The following FRYL variants were observed in gnomAD, a reference collection of about 807,000 sequenced individuals.
FRYL encodes the protein protein furry homolog-like.
In FRYL, 150 loss-of-function variants were observed where a neutral mutation model predicts 351.2. The observed-to-expected ratio is 0.43, with a 90% confidence interval of 0.37 to 0.49. The LOEUF (loss-of-function observed/expected upper bound fraction) is 0.49. FRYL is among the 20% of genes least tolerant of loss of function. The probability of loss-of-function intolerance (pLI) is 0.00; values close to 1 mark genes in which losing one functional copy is unlikely to be tolerated. For synonymous variants in FRYL, 1,153 were observed against 1,257.1 expected (o/e 0.92, Z 1.75); for missense variants, 3,036 against 3,619.3 (o/e 0.84, Z 4.13).
Position 48,498,760 on chromosome 4 carries a change from G to A in FRYL, c.*662C>T, listed in dbSNP as rs1718924371. The A allele has an allele frequency of 6.6e-6, 1 of 152,506 alleles. No individual in the cohort carries two copies. The highest frequency in any genetic ancestry group is 2.1e-4 in the South Asian group (1 of 4,816). 9.4% of individuals were successfully genotyped at this position (152,506 alleles called of 1,614,324 possible). On this transcript the variant is annotated 3_prime_UTR_variant, in exon 64 of 64. Coordinates refer to ENST00000358350, the MANE Select transcript of FRYL (RefSeq NM_015030.2). ...TGCAGTGCTCTTTTAGGCATGCTCT[G>A]AGACGTTATCACCAAACATCCATAC...
At chr4:48,651,628 G>A (rs911771916) in intron 3 of FRYL, among the ~76,000 whole-genome samples, 2 of 152,120 alleles carry the variant, frequency 1.3e-5, no homozygotes, top group African/African-American at 2.4e-5. Flanking sequence ...AAAGGAACAC[G>A]TTTTATACTT....
At chr4:48,642,650 T>C (rs1260585997) in intron 3 of FRYL, among the ~76,000 whole-genome samples, 1 of 152,148 alleles carries the variant, frequency 6.6e-6, no homozygotes, top group African/African-American at 2.4e-5. Flanking sequence ...CAATGTTTTT[T>C]ACTTGAAGTC....
chr4:48,742,647 C>T (rs1393764297), intron 1 of FRYL, among the ~76,000 whole-genome samples: 1 of 152,168 alleles, frequency 6.6e-6, no homozygotes, highest in Non-Finnish European at 1.5e-5. Flanking sequence ...CCAATTCAGG[C>T]ATTATTCATG....
chr4:48,581,824 C>T (rs1487085325), intron 20 of FRYL, among the ~76,000 whole-genome samples: 1 of 152,140 alleles, frequency 6.6e-6, no homozygotes, highest in African/African-American at 2.4e-5. Context: ...TAACTTCTAC[C>T]ATTCTCTGAC....
chr4:48,551,482 A>T lies in FRYL; in HGVS notation c.4520+12T>A. 1 of 1,522,294 alleles carries T rather than the reference A, an allele frequency of 6.6e-7. No homozygotes were observed. Among genetic ancestry groups the T allele is most frequent in the Non-Finnish European group, 9.1e-7 (1 of 1,099,840 alleles). 94.3% of individuals were successfully genotyped at this position (1,522,294 alleles called of 1,614,324 possible). On this transcript the variant is annotated intron_variant, in intron 37 of 63. Coordinates refer to ENST00000358350, the MANE Select transcript of FRYL (RefSeq NM_015030.2). ...AAACTGAAAGGCTAATACAGAACAG[A>T]GAAGTACTTACCTCTCTTCAATATT...
At chr4:48,696,845 G>GACCT (rs1553981641) in intron 2 of FRYL, among the ~76,000 whole-genome samples, 8 of 144,542 alleles carry the variant, frequency 5.5e-5, no homozygotes, top group African/African-American at 2.0e-4. Flanking sequence ...AACGATAAGA[G>GACCT]ATCTATCTAT....
intron 1 of FRYL, among the ~76,000 whole-genome samples, chr4:48,716,514 C>G (rs1417453310): frequency 6.6e-6 from 1 of 151,626 alleles, no homozygotes; most frequent in Non-Finnish European, 1.5e-5. Flanking sequence ...AGCCAAAAAA[C>G]ACACGAAAAA....
Position 48,510,514 on chromosome 4 carries a change from G to A in FRYL, c.8295+321C>T, listed in dbSNP as rs539181208. On this transcript the variant is annotated intron_variant, in intron 58 of 63. Coordinates refer to ENST00000358350, the MANE Select transcript of FRYL (RefSeq NM_015030.2). ...AATCAGGAAATGAACCAGGAGGCCT[G>A]GGTATTTCACGGGTGGAGGTTTAGG... 2.2e-3 allele frequency among the ~76,000 whole-genome samples: 341 copies of A among 152,198 alleles called. 12 individuals carry two copies. In the South Asian group the frequency reaches 0.051, roughly 23 times the overall value.
At chr4:48,713,880 T>A (rs138382093) in intron 1 of FRYL, among the ~76,000 whole-genome samples, 1,533 of 152,322 alleles carry the variant, frequency 0.01, 10 homozygotes, top group South Asian at 0.017. Context: ...AGTAAAGCTC[T>A]TCTCAGCAAA....
Position 48,576,228 on chromosome 4 carries a change from G to GAAA in FRYL, c.2529-9_2529-7dup. ...TCTTAGCATTGATGGGGCTACTAAGGAAAAAAAAAGAAAAATAGGCAGATA... is the reference window on the plus strand; with the variant it reads ...TCTTAGCATTGATGGGGCTACTAAGGAAAAAAAAAAAAGAAAAATAGGCAGATA... On this transcript the variant is annotated splice_polypyrimidine_tract_variant and splice_region_variant and intron_variant, in intron 23 of 63. Coordinates refer to ENST00000358350, the MANE Select transcript of FRYL (RefSeq NM_015030.2). 6.7e-7 allele frequency: 1 copy of GAAA among 1,496,302 alleles called. No individual in the cohort carries two copies. The allele number at this position is 1,496,302 out of a possible 1,614,324, so 92.7% of individuals were successfully genotyped here.
At chr4:48,713,678 T>G (rs1768388661) in intron 1 of FRYL, among the ~76,000 whole-genome samples, 3 of 152,110 alleles carry the variant, frequency 2.0e-5, no homozygotes, top group Admixed American at 2.0e-4. Context: ...AATGGGAGAC[T>G]TTAACACCCC....
At chr4:48,669,401 C>T (rs1236833654) in intron 3 of FRYL, among the ~76,000 whole-genome samples, 2 of 151,940 alleles carry the variant, frequency 1.3e-5, no homozygotes, top group Admixed American at 6.6e-5. Flanking sequence ...TTGAGCATCA[C>T]GAGCAATTGG....
At chr4:48,574,436 T>C (rs1739093905) in intron 25 of FRYL, 1 of 152,186 alleles carries the variant, frequency 6.6e-6, no homozygotes, top group African/African-American at 2.4e-5. Flanking sequence ...AACCTATTCT[T>C]TTTTACTTAT....
intron 48 of FRYL, among the ~76,000 whole-genome samples, 197 bp downstream of exon 48, chr4:48,535,460 T>G (rs1004048904): frequency 6.6e-6 from 1 of 152,076 alleles, no homozygotes; most frequent in Non-Finnish European, 1.5e-5. Flanking sequence ...CTTAAAAAAT[T>G]GTTAACTATG....
At chr4:48,604,069 A>G (rs1746243014) in intron 11 of FRYL, among the ~76,000 whole-genome samples, 1 of 152,082 alleles carries the variant, frequency 6.6e-6, no homozygotes, top group African/African-American at 2.4e-5. Flanking sequence ...ACTCTCCACA[A>G]TCTGACATAC....
intron 1 of FRYL, among the ~76,000 whole-genome samples, chr4:48,755,868 T>C (rs1773717893): frequency 6.6e-6 from 1 of 151,972 alleles, no homozygotes; most frequent in African/African-American, 2.4e-5. Flanking sequence ...AATGTGTCAA[T>C]TTATTGCAAC....
intron 31 of FRYL, among the ~76,000 whole-genome samples, chr4:48,563,318 TCCACCACCACAGATAA>T (rs1560612137): frequency 6.6e-6 from 1 of 151,104 alleles, no homozygotes; most frequent in South Asian, 2.1e-4. Context: ...TTTTGTAATA[TCCACCACCACAGATAA>T]GCAAAAAGGT....
intron 1 of FRYL, among the ~76,000 whole-genome samples, chr4:48,732,983 T>C (rs1389767471): frequency 1.4e-5 from 2 of 147,886 alleles, no homozygotes; most frequent in Non-Finnish European, 3.0e-5. Flanking sequence ...ATATTTAAAG[T>C]AGTGAGAAAA....
chr4:48,724,594 G>A, intron 1 of FRYL, among the ~76,000 whole-genome samples: 1 of 152,096 alleles, frequency 6.6e-6, no homozygotes, highest in Non-Finnish European at 1.5e-5. Context: ...GCTGTCTTGT[G>A]GATATTTACA....
Sources: gnomAD v4.1 joint callset for allele counts (sites outside exome capture counted in the v4.1 genomes callset) on GRCh38, gnomAD v4.1.1 for gene constraint, MANE v1.5 for transcripts, NCBI Gene and HGNC (gene_info 2026-07-23, HGNC 2026-07-21) for gene names.